Variants in NELL2 observed in about 807,000 individuals in gnomAD.
The protein encoded by NELL2 is neural EGFL like 2.
NELL2 carries 41 observed loss-of-function variants against 109.6 expected under a neutral mutation model. The observed-to-expected ratio is 0.37, with a 90% confidence interval of 0.29 to 0.49. The LOEUF is 0.49. Ranked by LOEUF, NELL2 falls within the 20% of genes least tolerant of loss-of-function variation. NELL2 has a pLI of 0.98. For synonymous variants in NELL2, 355 were observed against 344.7 expected (o/e 1.03, Z -0.33); for missense variants, 900 against 1,008.3 (o/e 0.89, Z 1.45).
intron 16 of NELL2, among the ~76,000 whole-genome samples, chr12:44,527,726 C>T (rs1266864218): frequency 6.6e-6 from 1 of 152,052 alleles, no homozygotes; most frequent in Non-Finnish European, 1.5e-5. Context: ...ACGGAAATCG[C>T]AGTAAATGGA....
rs558646203 is a variant in NELL2 at position 44,604,958 on chromosome 12, A to G, written c.1663+2211T>C. 3.9e-5 allele frequency among the ~76,000 whole-genome samples: 6 copies of G among 152,286 alleles called. No homozygotes were observed. In the South Asian group the frequency reaches 1.2e-3, roughly 32 times the overall value. On this transcript the variant is annotated intron_variant, in intron 15 of 19. Coordinates refer to ENST00000429094, the MANE Select transcript of NELL2 (RefSeq NM_001145108.2). ...ATTTGACTGGATGTGAAAGAGGACA[A>G]GAGGGAAATTGCTCCCTGATGACTG...
intron 12 of NELL2, among the ~76,000 whole-genome samples, chr12:44,699,875 A>C (rs1949176630): frequency 6.6e-6 from 1 of 152,092 alleles, no homozygotes; most frequent in Non-Finnish European, 1.5e-5. Context: ...ATCACCAAAT[A>C]ATCTTTTCTA....
chr12:44,583,755 A>G (rs1182712549), intron 15 of NELL2, among the ~76,000 whole-genome samples: 1 of 152,140 alleles, frequency 6.6e-6, no homozygotes, highest in Non-Finnish European at 1.5e-5. Flanking sequence ...ATCATGGCTC[A>G]AATACACTTC....
intron 1 of NELL2, among the ~76,000 whole-genome samples, chr12:44,908,643 G>A (rs531058253): frequency 2.8e-4 from 42 of 152,010 alleles, no homozygotes; most frequent in African/African-American, 9.9e-4. Flanking sequence ...AGTAGTGTTG[G>A]ATGAAATTAA....
At chr12:44,742,875 A>C (rs11182628) in intron 9 of NELL2, among the ~76,000 whole-genome samples, 8,355 of 152,230 alleles carry the variant, frequency 0.055, 689 homozygotes, top group African/African-American at 0.18. Context: ...GGAAAACACG[A>C]TGCAGGATAT....
intron 13 of NELL2, among the ~76,000 whole-genome samples, chr12:44,636,665 T>C (rs1946646752): frequency 6.6e-6 from 1 of 152,226 alleles, no homozygotes; most frequent in Non-Finnish European, 1.5e-5. Context: ...CTTTTTGATG[T>C]GCTGCTGGAT....
At chr12:44,639,697 G>A (rs1457138429) in intron 13 of NELL2, among the ~76,000 whole-genome samples, 1 of 152,018 alleles carries the variant, frequency 6.6e-6, no homozygotes, top group East Asian at 1.9e-4. Flanking sequence ...CTCTTAAAAT[G>A]GTCCTCTTAA....
rs73100401 is a variant in NELL2 at position 44,707,059 on chromosome 12, T to C, written c.1190-3205A>G. Among the ~76,000 whole-genome samples, 659 of 152,272 alleles carry C rather than the reference T, an allele frequency of 4.3e-3. 2 individuals carry two copies. The highest frequency in any genetic ancestry group is 8.0e-3 in the Non-Finnish European group (545 of 68,014). On this transcript the variant is annotated intron_variant, in intron 11 of 19. Transcript: ENST00000429094. ...TAATTTTGTGGTGAATATTTATAGG[T>C]TTTGCCTAAAGGCATCTATTTCTTG...
intron 2 of NELL2, among the ~76,000 whole-genome samples, chr12:44,855,359 C>G (rs1008867196): frequency 2.6e-5 from 4 of 152,196 alleles, no homozygotes; most frequent in Admixed American, 6.5e-5. Context: ...ATTCAATAAA[C>G]CACTGATCAT....
intron 12 of NELL2, among the ~76,000 whole-genome samples, chr12:44,682,102 T>C (rs1948531137): frequency 6.7e-6 from 1 of 149,842 alleles, no homozygotes; most frequent in Non-Finnish European, 1.5e-5. Flanking sequence ...TTTTTAAAGA[T>C]TGCCATTCTA....
chr12:44,741,660 C>A (rs770973338), intron 9 of NELL2, among the ~76,000 whole-genome samples: 3 of 152,234 alleles, frequency 2.0e-5, no homozygotes, highest in Non-Finnish European at 4.4e-5. Context: ...GATTATATCC[C>A]GCATCTGGCT....
At chr12:44,818,052 A>T (rs1405813113) in intron 2 of NELL2, among the ~76,000 whole-genome samples, 1 of 152,214 alleles carries the variant, frequency 6.6e-6, no homozygotes, top group African/African-American at 2.4e-5. Context: ...CCCATTCAAC[A>T]TTCATAACTC....
At chr12:44,643,753 C>T (rs962953264) in intron 13 of NELL2, among the ~76,000 whole-genome samples, 41 of 152,112 alleles carry the variant, frequency 2.7e-4, no homozygotes, top group African/African-American at 8.9e-4. Context: ...ATTTGGTTTC[C>T]CCTGAATTTC....
intron 15 of NELL2, among the ~76,000 whole-genome samples, chr12:44,536,661 G>A (rs1414429345): frequency 6.6e-6 from 1 of 151,884 alleles, no homozygotes; most frequent in Non-Finnish European, 1.5e-5. Flanking sequence ...TTTTTACTCT[G>A]TAGGTACATT....
chr12:44,722,357 G>A (rs1440214026), intron 9 of NELL2, among the ~76,000 whole-genome samples: 4 of 152,040 alleles, frequency 2.6e-5, no homozygotes, highest in African/African-American at 9.7e-5. Context: ...GTAGAGACAG[G>A]GTCTCACTCT....
At position 44,532,659 on chromosome 12, in the gene NELL2, G is replaced by A; in HGVS notation, c.1726C>T (p.Pro576Ser). The change falls in exon 16 of 20, where the codon CCT becomes TCT. Residue 576 changes from proline to serine, a missense_variant. This residue lies in a region of NELL2 where 333 missense variants were observed against 432.3 expected (regional missense o/e 0.77). Coordinates refer to ENST00000429094, the MANE Select transcript of NELL2 (RefSeq NM_001145108.2). Reference protein sequence around the residue: ...CDSRANCINLPGWYHCECRDG... With the variant: ...CDSRANCINLSGWYHCECRDG... ...CTGCACTCACAGTGGTACCATCCAG[G>A]CAGGTTAATGCAATTAGCACGACTG... The A allele has an allele frequency of 6.2e-7, 1 of 1,613,552 alleles. No individual in the cohort carries two copies. Among genetic ancestry groups the A allele is most frequent in the South Asian group, 1.1e-5 (1 of 91,046 alleles).
Position 44,892,834 on chromosome 12 carries a change from C to T in NELL2, c.39-16934G>A, listed in dbSNP as rs113309803. On this transcript the variant is annotated intron_variant, in intron 1 of 20. Coordinates refer to the NELL2 transcript ENST00000333837. Reference sequence around the variant, plus strand: ...AAAAAAAAAAAGAAACCAAATTCAACATTAGTAAGGAGCACAATTCAACAT... The same window carrying T: ...AAAAAAAAAAAGAAACCAAATTCAATATTAGTAAGGAGCACAATTCAACAT... 6.0e-3 allele frequency among the ~76,000 whole-genome samples: 854 copies of T among 143,098 alleles called. 7 individuals carry two copies. Among genetic ancestry groups the T allele is most frequent in the African/African-American group, 0.021 (812 of 38,846 alleles). The allele number at this position is 143,098 out of a possible 152,430, so 93.9% of individuals were successfully genotyped here.
intron 15 of NELL2, among the ~76,000 whole-genome samples, chr12:44,579,039 G>T (rs568010968): frequency 2.0e-5 from 3 of 152,230 alleles, no homozygotes; most frequent in Admixed American, 2.0e-4. Flanking sequence ...CAGAGGAATG[G>T]ATTTTGATAT....
chr12:44,837,811 T>C (rs1377596437), intron 2 of NELL2, among the ~76,000 whole-genome samples: 4 of 152,200 alleles, frequency 2.6e-5, no homozygotes, highest in Non-Finnish European at 5.9e-5. Flanking sequence ...CCATTTTTGG[T>C]AAAAGCAATG....
Sources: gnomAD v4.1 joint callset for allele counts (sites outside exome capture counted in the v4.1 genomes callset) on GRCh38, gnomAD v4.1.1 for gene constraint, gnomAD v4.1.1 regional missense constraint, MANE v1.5 for transcripts, NCBI Gene and HGNC (gene_info 2026-07-23, HGNC 2026-07-21) for gene names.